The following EML5 variants were observed in gnomAD, a reference collection of about 807,000 sequenced individuals.
The protein encoded by EML5 is EMAP like 5, also known as echinoderm microtubule-associated protein-like 5.
EML5 carries 120 observed loss-of-function variants against 250.0 expected under a neutral mutation model. The observed-to-expected ratio is 0.48, with a 90% CI of 0.41 to 0.56. The LOEUF is 0.56. Among genes scored for constraint, EML5 ranks in the 20% least tolerant of loss-of-function variants. EML5 has a pLI of 0.00. For synonymous variants in EML5, 771 were observed against 806.5 expected (o/e 0.96, Z 0.75); for missense variants, 2,006 against 2,437.6 (o/e 0.82, Z 3.73).
At chr14:88,639,985 A>C (rs1044078502) in intron 31 of EML5, among the ~76,000 whole-genome samples, 7 of 152,228 alleles carry the variant, frequency 4.6e-5, no homozygotes, top group African/African-American at 1.7e-4. Flanking sequence ...CAGAAGGGAA[A>C]AAAGATAGAC....
chr14:88,709,402 T>C (rs1020504638), intron 10 of EML5, among the ~76,000 whole-genome samples: 15 of 151,984 alleles, frequency 9.9e-5, no homozygotes, highest in African/African-American at 2.9e-4. Flanking sequence ...TTCTTAAAGA[T>C]CAATAAAAGA....
chr14:88,622,531 A>C, intron 37 of EML5, 73 bp downstream of exon 37: 1 of 1,205,052 alleles, frequency 8.3e-7, no homozygotes, highest in Non-Finnish European at 1.1e-6. Context: ...TTAGGCTGCA[A>C]AGGGTGAGGG....
intron 1 of EML5, among the ~76,000 whole-genome samples, chr14:88,760,648 C>T (rs1408222516): frequency 6.6e-6 from 1 of 152,120 alleles, no homozygotes; most frequent in Non-Finnish European, 1.5e-5. Context: ...ATTCTAATTA[C>T]TTCATCTTTC....
rs1471458071 is a variant in EML5, at chr14:88,620,918, T to G, written c.5211A>C (p.Leu1737Phe). ...RLWDIADKKMLNKVNLGHAAR... is the reference protein window; with the variant it reads ...RLWDIADKKMFNKVNLGHAAR... ...CAGCATGTCCCAAATTCACTTTGTT[T>G]AACATCTTCTGCATTTAAAAAAAAA... The change falls in exon 39 of 44, where the codon TTA becomes TTC. Residue 1737 changes from leucine to phenylalanine, a missense_variant. Around this residue, in one of 7 missense-constraint regions of EML5, gnomAD observed 405 missense variants for 523.3 expected, o/e 0.77. Transcript: ENST00000554922. The surrounding 1 kb of genome is among the most constrained non-coding windows in gnomAD (Gnocchi z 4.3). 8.7e-6 allele frequency: 13 copies of G among 1,496,090 alleles called. No homozygotes were observed. The highest frequency in any genetic ancestry group is 1.1e-5 in the Non-Finnish European group (13 of 1,131,480). 92.7% of individuals were successfully genotyped at this position (1,496,090 alleles called of 1,614,324 possible). A position where few individuals can be genotyped will look rare whatever the true frequency, so the allele number is the denominator to read the frequency against.
chr14:88,739,171 T>C (rs754217421), intron 5 of EML5, among the ~76,000 whole-genome samples, 157 bp from the exon 6 acceptor site: 1 of 152,200 alleles, frequency 6.6e-6, no homozygotes, highest in Non-Finnish European at 1.5e-5. Context: ...TAGAAGTAAG[T>C]CCATAAGAAC....
rs768835036 is a variant in EML5, at chr14:88,626,911, A to G, written c.4667T>C (p.Leu1556Pro). The G allele has an allele frequency of 2.3e-5, 37 of 1,613,906 alleles. No individual in the cohort carries two copies. The highest frequency in any genetic ancestry group is 3.0e-5 in the Non-Finnish European group (35 of 1,179,876). ...TGTGCTCAGTAGCCCTTTTTTGCTA[A>G]GAAGAGCTCTTCCTGCCAGGGTCCA... Reference protein sequence around the residue: ...KFWTLAGRALLSKKGLLSTLE... With the variant: ...KFWTLAGRALPSKKGLLSTLE... The change falls in exon 35 of 44, where the codon CTT becomes CCT. Residue 1556 changes from leucine to proline, a missense_variant. Leu to Pro is a moderately conservative substitution (Grantham distance 98). Around this residue, in one of 7 missense-constraint regions of EML5, gnomAD observed 405 missense variants for 523.3 expected, o/e 0.77. Coordinates refer to ENST00000554922, the MANE Select transcript of EML5 (RefSeq NM_183387.3).
At chr14:88,681,768 T>C (rs2092718734) in intron 21 of EML5, 122 bp downstream of exon 21, 2 of 1,144,026 alleles carry the variant, frequency 1.7e-6, no homozygotes, top group Non-Finnish European at 2.3e-6. Flanking sequence ...AAGTAGACAT[T>C]GAATAAATAT....
At chr14:88,752,193 C>T (rs1283917619) in intron 2 of EML5, among the ~76,000 whole-genome samples, 2 of 151,812 alleles carry the variant, frequency 1.3e-5, no homozygotes, top group South Asian at 2.1e-4. Flanking sequence ...CATGATTTCT[C>T]CTTGGATATA....
At chr14:88,745,430 T>C (rs1241496367) in intron 3 of EML5, among the ~76,000 whole-genome samples, 1 of 152,102 alleles carries the variant, frequency 6.6e-6, no homozygotes, top group Non-Finnish European at 1.5e-5. Flanking sequence ...AGTATAATAT[T>C]TAATTAAAAG....
intron 27 of EML5, among the ~76,000 whole-genome samples, chr14:88,653,037 A>G (rs1339295662): frequency 6.6e-6 from 1 of 151,978 alleles, no homozygotes; most frequent in Non-Finnish European, 1.5e-5. Flanking sequence ...TTGTATTCCT[A>G]GGTATTTTAT....
At chr14:88,679,768 G>T (rs1168569400) in intron 21 of EML5, among the ~76,000 whole-genome samples, 1 of 152,106 alleles carries the variant, frequency 6.6e-6, no homozygotes, top group Non-Finnish European at 1.5e-5. Flanking sequence ...AAATGTCCTT[G>T]AAGCCATCAA....
chr14:88,638,234 T>A (rs1203167213), intron 32 of EML5, among the ~76,000 whole-genome samples: 2 of 152,192 alleles, frequency 1.3e-5, no homozygotes, highest in African/African-American at 2.4e-5. Context: ...AGTTTGGCTG[T>A]AGAGTTATGG....
chr14:88,754,377 A>T (rs1253334450), intron 2 of EML5, 135 bp downstream of exon 2: 7 of 718,150 alleles, frequency 9.7e-6, no homozygotes, highest in Non-Finnish European at 1.5e-5. Flanking sequence ...TCAACCTCCC[A>T]CCCCACCTAC....
intron 3 of EML5, 55 bp downstream of exon 3, chr14:88,746,130 T>C (rs775096739): frequency 4.3e-6 from 6 of 1,385,946 alleles, no homozygotes; most frequent in African/African-American, 2.9e-5. Context: ...TCCTGAACTC[T>C]CTTCTGGTCT....
chr14:88,662,396 A>G (rs530608973), intron 24 of EML5, among the ~76,000 whole-genome samples: 3 of 146,782 alleles, frequency 2.0e-5, no homozygotes, highest in African/African-American at 7.6e-5. Flanking sequence ...TCTGCCAACA[A>G]ACTTCTTAGG....
At chr14:88,765,619 T>C (rs918527627) in intron 1 of EML5, among the ~76,000 whole-genome samples, 4 of 152,198 alleles carry the variant, frequency 2.6e-5, no homozygotes, top group Admixed American at 2.0e-4. Context: ...TACATCCCTA[T>C]CTTAATTATA....
chr14:88,618,481 G>A (rs887328013), intron 40 of EML5, 150 bp from the exon 41 acceptor site: 3 of 1,078,860 alleles, frequency 2.8e-6, no homozygotes, highest in Non-Finnish European at 4.0e-6. Context: ...CTTAATAGGA[G>A]AAAAGCTCTG....
intron 14 of EML5, among the ~76,000 whole-genome samples, chr14:88,700,307 T>A (rs954475402): frequency 1.1e-4 from 16 of 152,130 alleles, no homozygotes; most frequent in Admixed American, 2.0e-4. Flanking sequence ...TCTTTTTTTT[T>A]AAATTGTTTT....
intron 5 of EML5, among the ~76,000 whole-genome samples, chr14:88,739,729 T>C (rs1009367116): frequency 3.3e-5 from 5 of 152,080 alleles, no homozygotes; most frequent in African/African-American, 1.2e-4. Flanking sequence ...GCAACATGTA[T>C]GACTGTCAAA....
Sources: allele counts gnomAD v4.1 joint callset (sites outside exome capture counted in the v4.1 genomes callset), GRCh38; gene constraint gnomAD v4.1.1; regional missense constraint gnomAD v4.1.1; non-coding constraint Gnocchi (gnomAD v3.1); transcripts MANE v1.5; gene names NCBI Gene and HGNC (gene_info 2026-07-23, HGNC 2026-07-21).